Variants in MAF observed in about 807,000 individuals in gnomAD.
MAF encodes transcription factor Maf.
MAF carries 10 observed loss-of-function variants against 22.0 expected under a neutral mutation model. The observed-to-expected ratio is 0.45, with a 90% CI of 0.28 to 0.77. The LOEUF (loss-of-function observed/expected upper bound fraction) is 0.77. Ranked by LOEUF, MAF falls within the 30% of genes least tolerant of loss-of-function variation. The pLI is 0.12. For missense variants in MAF, 544 were observed against 548.4 expected (o/e 0.99, Z 0.08); for synonymous variants, 337 against 255.8 (o/e 1.32, Z -3.03).
At chr16:79,380,347 G>T in the MAF span, among the ~76,000 whole-genome samples, 29 of 152,292 alleles carry the variant, frequency 1.9e-4, no homozygotes, top group African/African-American at 6.7e-4. Flanking sequence ...GGGGTATGAT[G>T]ACTATAACAG....
At chr16:79,575,625 G>A in the MAF span, among the ~76,000 whole-genome samples, 1 of 152,220 alleles carries the variant, frequency 6.6e-6, no homozygotes, top group Non-Finnish European at 1.5e-5. Flanking sequence ...CTGCACAGTA[G>A]AGAAGGCCTG....
the MAF span, among the ~76,000 whole-genome samples, chr16:79,249,658 C>A: frequency 1.3e-5 from 2 of 152,120 alleles, no homozygotes; most frequent in Non-Finnish European, 2.9e-5. Context: ...AGACAACTCC[C>A]CTCTTTAGAT....
the MAF span, chr16:79,516,366 G>A: frequency 6.6e-6 from 1 of 152,154 alleles, no homozygotes; most frequent in Non-Finnish European, 1.5e-5. Context: ...ACTTCCCATG[G>A]CGAAGGGGAA....
At chr16:79,256,591 C>T in the MAF span, among the ~76,000 whole-genome samples, 3 of 152,212 alleles carry the variant, frequency 2.0e-5, no homozygotes, top group South Asian at 2.1e-4. Flanking sequence ...ACTGATAAGA[C>T]GTCCCCAGCA....
the MAF span, among the ~76,000 whole-genome samples, chr16:79,541,156 G>C: frequency 6.6e-6 from 1 of 152,008 alleles, no homozygotes; most frequent in Non-Finnish European, 1.5e-5. Context: ...TATAATTATT[G>C]CTATCACAAT....
At chr16:79,509,991 C>A in the MAF span, among the ~76,000 whole-genome samples, 2 of 152,298 alleles carry the variant, frequency 1.3e-5, no homozygotes, top group East Asian at 3.9e-4. Context: ...CCGTAGGAAG[C>A]AGGGACTCTT....
the MAF span, among the ~76,000 whole-genome samples, chr16:79,228,383 C>G: frequency 6.6e-6 from 1 of 152,010 alleles, no homozygotes. Flanking sequence ...CTAATAATAT[C>G]ACATGTGCTT....
At chr16:79,512,350 T>A in the MAF span, among the ~76,000 whole-genome samples, 1 of 152,186 alleles carries the variant, frequency 6.6e-6, no homozygotes, top group Non-Finnish European at 1.5e-5. Context: ...TACTGGTCTC[T>A]GGTTGAAGAA....
the MAF span, among the ~76,000 whole-genome samples, chr16:79,481,852 G>A: frequency 3.9e-5 from 6 of 152,206 alleles, no homozygotes; most frequent in African/African-American, 9.7e-5. Context: ...CATCTGGGTA[G>A]GGGAGACAGT....
the MAF span, among the ~76,000 whole-genome samples, chr16:79,570,131 G>A: frequency 5.3e-5 from 8 of 149,834 alleles, no homozygotes; most frequent in African/African-American, 2.0e-4. Flanking sequence ...CCATTAAATT[G>A]ACAGGTTGAT....
the MAF span, among the ~76,000 whole-genome samples, chr16:79,499,722 G>T: frequency 6.6e-6 from 1 of 152,166 alleles, no homozygotes; most frequent in African/African-American, 2.4e-5. Context: ...CTTGATTATA[G>T]ATTTCCCAGC....
At chr16:79,238,872 C>G in the MAF span, among the ~76,000 whole-genome samples, 1 of 151,984 alleles carries the variant, frequency 6.6e-6, no homozygotes, top group South Asian at 2.1e-4. Flanking sequence ...ACTTCCTGAA[C>G]TTGACCCCAG....
the MAF span, among the ~76,000 whole-genome samples, chr16:79,245,191 G>A: frequency 1.3e-5 from 2 of 152,030 alleles, no homozygotes; most frequent in South Asian, 2.1e-4. Context: ...AAAAAGCCAT[G>A]GCAACAAAAG....
chr16:79,302,945 C>T, the MAF span, among the ~76,000 whole-genome samples: 1 of 152,270 alleles, frequency 6.6e-6, no homozygotes, highest in Non-Finnish European at 1.5e-5. Flanking sequence ...ATGGGAGACA[C>T]TCTCCAACAA....
At chr16:79,415,188 C>A in the MAF span, among the ~76,000 whole-genome samples, 1 of 147,834 alleles carries the variant, frequency 6.8e-6, no homozygotes, top group Non-Finnish European at 1.5e-5. Flanking sequence ...GGGCAGGACT[C>A]TTGTTAGTTC....
chr16:79,211,744 G>C, the MAF span: 1 of 1,614,194 alleles, frequency 6.2e-7, no homozygotes, highest in South Asian at 1.1e-5. Flanking sequence ...CGGACCCTGT[G>C]GGCGCTCAGC....
At chr16:79,204,830 C>T in the MAF span, 2 of 152,286 alleles carry the variant, frequency 1.3e-5, no homozygotes, top group Admixed American at 6.5e-5. Context: ...TCCAGCTTTC[C>T]ATCCTGAACC....
At chr16:79,212,906 TAAAG>T in the MAF span, 7 of 151,482 alleles carry the variant, frequency 4.6e-5, no homozygotes, top group East Asian at 3.9e-4. Context: ...TATTTTCTGT[TAAAG>T]AAAGAAAAAA....
chr16:79,526,348 T>G, the MAF span, among the ~76,000 whole-genome samples: 5 of 152,276 alleles, frequency 3.3e-5, no homozygotes, highest in South Asian at 2.1e-4. Context: ...ATAGGGTTCG[T>G]GCACCTATGA....
Sources: allele counts gnomAD v4.1 joint callset (sites outside exome capture counted in the v4.1 genomes callset), GRCh38; gene constraint gnomAD v4.1.1; transcripts MANE v1.5; gene names NCBI Gene and HGNC (gene_info 2026-07-23, HGNC 2026-07-21).